The following TRIM24 variants were observed in gnomAD, a reference collection of about 807,000 sequenced individuals.
TRIM24 encodes the protein tripartite motif containing 24, also known as transcription intermediary factor 1-alpha.
In TRIM24, 29 loss-of-function variants were observed where a neutral mutation model predicts 123.9. The ratio of observed to expected loss-of-function variants is 0.23; its 90% CI spans 0.17 to 0.32. The LOEUF (loss-of-function observed/expected upper bound fraction) is 0.32. Ranked by LOEUF, TRIM24 falls within the 10% of genes least tolerant of loss-of-function variation. The pLI, the probability that TRIM24 is intolerant of heterozygous loss-of-function variation, is 1.00. For missense variants in TRIM24, 932 were observed against 1,295.3 expected, an observed-to-expected ratio of 0.72 and a Z score of 4.31; for synonymous variants, 456 against 461.1, an observed-to-expected ratio of 0.99 and a Z score of 0.14.
intron 9 of TRIM24, 89 bp from the exon 10 acceptor site, chr7:138,567,392 T>G: frequency 7.7e-7 from 1 of 1,291,674 alleles, no homozygotes; most frequent in Non-Finnish European, 1.0e-6. Flanking sequence ...AGAGTTCTAT[T>G]TTTCTGTAAA....
intron 2 of TRIM24, among the ~76,000 whole-genome samples, chr7:138,507,022 A>G (rs1474830235): frequency 1.3e-5 from 2 of 152,144 alleles, no homozygotes; most frequent in Non-Finnish European, 1.5e-5. Context: ...CACAGACATC[A>G]TGATAAAGTG....
At chr7:138,577,701 A>G in intron 14 of TRIM24, 113 bp downstream of exon 14, 18 of 896,502 alleles carry the variant, frequency 2.0e-5, no homozygotes, top group Non-Finnish European at 2.8e-5. Context: ...GGATTTAAAG[A>G]CAATTTGAGG....
At chr7:138,583,557 T>C (rs553324948) in intron 17 of TRIM24, among the ~76,000 whole-genome samples, 3 of 152,258 alleles carry the variant, frequency 2.0e-5, no homozygotes, top group Non-Finnish European at 4.4e-5. Flanking sequence ...GAGGCAAAGT[T>C]TGCAGTGAGC....
At chr7:138,503,537 T>A in intron 1 of TRIM24, among the ~76,000 whole-genome samples, 1 of 151,974 alleles carries the variant, frequency 6.6e-6, no homozygotes, top group African/African-American at 2.4e-5. Flanking sequence ...TTTGTATTTG[T>A]TCTTATGCAT....
At position 138,586,035 on chromosome 7, in the gene TRIM24, T is replaced by C. The variant is rs1798012223; in HGVS notation, c.*1084T>C. 7 of 437,870 alleles carry C rather than the reference T, an allele frequency of 1.6e-5. No homozygotes were observed. The highest frequency in any genetic ancestry group is 1.2e-4 in the South Asian group (7 of 57,650). 27.1% of individuals were successfully genotyped at this position (437,870 alleles called of 1,614,324 possible). ...TTCCTGAAGCATCTATCTCATGTTTTTCTTTTGAGAGTCAGAACATCAAAC... is the reference window on the plus strand; with the variant it reads ...TTCCTGAAGCATCTATCTCATGTTTCTCTTTTGAGAGTCAGAACATCAAAC... On this transcript the variant is annotated 3_prime_UTR_variant, in exon 19 of 19. Transcript: ENST00000343526.
chr7:138,571,998 G>A (rs1362298048), intron 11 of TRIM24, among the ~76,000 whole-genome samples: 7 of 151,940 alleles, frequency 4.6e-5, no homozygotes, highest in African/African-American at 7.3e-5. Flanking sequence ...ATATACATAC[G>A]CACCTAATGT....
chr7:138,482,423 G>C (rs1209782853), intron 1 of TRIM24, among the ~76,000 whole-genome samples: 2 of 152,052 alleles, frequency 1.3e-5, no homozygotes, highest in African/African-American at 4.8e-5. Context: ...ATGAGAAATT[G>C]ATAAAAAAAA....
chr7:138,581,797 T>A, intron 17 of TRIM24, 26 bp downstream of exon 17: 2 of 1,565,986 alleles, frequency 1.3e-6, no homozygotes, highest in South Asian at 1.1e-5. Flanking sequence ...ATTTTCTGCA[T>A]GTTTACACAG....
intron 1 of TRIM24, among the ~76,000 whole-genome samples, chr7:138,490,298 T>A (rs1795751899): frequency 6.6e-6 from 1 of 152,196 alleles, no homozygotes; most frequent in African/African-American, 2.4e-5. Flanking sequence ...GGTTTGAACA[T>A]CCTCCTTTAG....
At chr7:138,555,418 C>T (rs1797295452) in intron 9 of TRIM24, among the ~76,000 whole-genome samples, 1 of 151,992 alleles carries the variant, frequency 6.6e-6, no homozygotes, top group Admixed American at 6.6e-5. Context: ...TTATAATCTA[C>T]CTTTTTCAAA....
chr7:138,488,271 T>G (rs544993729), intron 1 of TRIM24, among the ~76,000 whole-genome samples: 10 of 152,204 alleles, frequency 6.6e-5, no homozygotes, highest in African/African-American at 2.2e-4. Flanking sequence ...TCTATCTATT[T>G]TGTTGATCTT....
intron 1 of TRIM24, among the ~76,000 whole-genome samples, chr7:138,494,309 G>A (rs1000038444): frequency 1.1e-4 from 16 of 151,976 alleles, no homozygotes; most frequent in African/African-American, 3.9e-4. Flanking sequence ...AATAGAGACA[G>A]GGTCTCACTG....
chr7:138,539,415 A>C (rs1267019662), intron 7 of TRIM24, among the ~76,000 whole-genome samples: 1 of 152,168 alleles, frequency 6.6e-6, no homozygotes, highest in African/African-American at 2.4e-5. Context: ...TATGACTACC[A>C]CATCACTTGA....
intron 16 of TRIM24, 80 bp downstream of exon 16, chr7:138,580,774 C>T: frequency 7.4e-7 from 1 of 1,345,618 alleles, no homozygotes; most frequent in South Asian, 1.8e-5. Flanking sequence ...GGTGTATATC[C>T]ATCCAGATTT....
chr7:138,461,172 C>G (rs1284017346), intron 1 of TRIM24: 8 of 700,274 alleles, frequency 1.1e-5, no homozygotes, highest in Non-Finnish European at 2.1e-5. Flanking sequence ...TTCTCAACAG[C>G]CGGGCGGCCC....
At chr7:138,578,353 G>C (rs1190225000) in intron 14 of TRIM24, among the ~76,000 whole-genome samples, 1 of 152,130 alleles carries the variant, frequency 6.6e-6, no homozygotes, top group Non-Finnish European at 1.5e-5. Context: ...GATATAACCT[G>C]AATATGCACT....
intron 6 of TRIM24, among the ~76,000 whole-genome samples, chr7:138,534,399 TC>T (rs1190266883): frequency 6.6e-6 from 1 of 152,250 alleles, no homozygotes; most frequent in East Asian, 1.9e-4. Flanking sequence ...GTCCCAGAGA[TC>T]CAGGTACGTT....
rs546648517 is a variant in TRIM24, at chr7:138,478,599, CTT to C, written c.364+17688_364+17689del. ...TGAAGTGATCCTCCTACCTTAGCCT[CTT>C]GAGTAGCTGGGACAACAGGTGCATG... is the stretch of plus-strand genomic sequence containing the variant. On this transcript the variant is annotated intron_variant, in intron 1 of 18. Coordinates refer to ENST00000343526, the MANE Select transcript of TRIM24 (RefSeq NM_015905.3). 1.8e-3 allele frequency among the ~76,000 whole-genome samples: 269 copies of C among 152,256 alleles called. 6 individuals are homozygous for C. The highest frequency in any genetic ancestry group is 0.014 in the Admixed American group (219 of 15,294).
chr7:138,505,012 C>T (rs1168029839), intron 2 of TRIM24, among the ~76,000 whole-genome samples: 3 of 152,174 alleles, frequency 2.0e-5, no homozygotes, highest in South Asian at 2.1e-4. Context: ...CCACCCGCCT[C>T]GGCCTCTCAA....
Sources: allele counts gnomAD v4.1 joint callset (sites outside exome capture counted in the v4.1 genomes callset), GRCh38; gene constraint gnomAD v4.1.1; transcripts MANE v1.5; gene names NCBI Gene and HGNC (gene_info 2026-07-23, HGNC 2026-07-21).